CSGALNACT1: variants seen among roughly 807,000 people sequenced by gnomAD.
CSGALNACT1 encodes the protein beta4GalNAcT-1.
CSGALNACT1 carries 52 observed loss-of-function variants against 51.0 expected under a neutral mutation model. The ratio of observed to expected loss-of-function variants is 1.02; its 90% confidence interval spans 0.82 to 1.29. The LOEUF is 1.29. Among genes scored for constraint, CSGALNACT1 ranks in the 50% most tolerant of loss-of-function variants. CSGALNACT1 has a pLI of 0.00. For missense variants in CSGALNACT1, 935 were observed against 679.2 expected, an observed-to-expected ratio of 1.38 and a Z score of -4.19; for synonymous variants, 341 against 254.4, an observed-to-expected ratio of 1.34 and a Z score of -3.24.
chr8:19,530,116 G>T (rs2082448621), intron 3 of CSGALNACT1, among the ~76,000 whole-genome samples: 1 of 152,020 alleles, frequency 6.6e-6, no homozygotes, highest in Admixed American at 6.6e-5. Flanking sequence ...CAGCTACTCG[G>T]GGGCTGAGGC....
At chr8:19,594,821 G>C (rs1489050887) in intron 2 of CSGALNACT1, among the ~76,000 whole-genome samples, 1 of 151,928 alleles carries the variant, frequency 6.6e-6, no homozygotes, top group Non-Finnish European at 1.5e-5. Flanking sequence ...CACAGTGCAG[G>C]GATTATAGGC....
chr8:19,511,526 C>A (rs534185674), intron 3 of CSGALNACT1, among the ~76,000 whole-genome samples: 1 of 152,308 alleles, frequency 6.6e-6, no homozygotes, highest in South Asian at 2.1e-4. Flanking sequence ...ATAAAGTCAG[C>A]ACTGTAAACT....
chr8:19,595,007 C>T (rs1368577541), intron 2 of CSGALNACT1, among the ~76,000 whole-genome samples: 1 of 152,148 alleles, frequency 6.6e-6, no homozygotes, highest in African/African-American at 2.4e-5. Context: ...AAGTTTTTAT[C>T]GTATATGAGA....
chr8:19,617,406 C>T (rs1212654495), intron 1 of CSGALNACT1, among the ~76,000 whole-genome samples: 2 of 152,160 alleles, frequency 1.3e-5, no homozygotes, highest in Admixed American at 1.3e-4. Flanking sequence ...AATACCTAGT[C>T]TCAGGTATTC....
At position 19,757,077 on chromosome 8, in the gene CSGALNACT1, G is replaced by A. The variant is rs1236056673; in HGVS notation, c.-297+773C>T. 6.6e-6 allele frequency: 1 copy of A among 150,386 alleles called. No individual in the cohort carries two copies. Among genetic ancestry groups the A allele is most frequent in the Admixed American group, 6.6e-5 (1 of 15,106 alleles). The allele number at this position is 150,386 out of a possible 1,614,324, so 9.3% of individuals were successfully genotyped here. On this transcript the variant is annotated intron_variant, in intron 1 of 1. Coordinates refer to the CSGALNACT1 transcript ENST00000517494. The surrounding 1 kb of genome is among the most constrained non-coding windows in gnomAD (Gnocchi z 4.0). ...TGCACGAGCCACCCCGAGGTCGCGG[G>A]GTGGGCGGGCGCGAGCTAGGCGCGC...
At chr8:19,505,889 C>G (rs1379371353) in exon 4 of CSGALNACT1, 4 of 1,597,792 alleles carry the variant, frequency 2.5e-6, no homozygotes, top group East Asian at 2.2e-5. Context: ...CCGGGGCCCC[C>G]ACGGAAGGGC....
intron 1 of CSGALNACT1, among the ~76,000 whole-genome samples, chr8:19,652,713 A>T (rs1421857466): frequency 6.6e-6 from 1 of 152,136 alleles, no homozygotes; most frequent in East Asian, 1.9e-4. Flanking sequence ...CTGCTGTTCC[A>T]CTTAAAATCC....
chr8:19,488,516 A>G (rs972539069), intron 4 of CSGALNACT1, among the ~76,000 whole-genome samples: 7 of 151,606 alleles, frequency 4.6e-5, no homozygotes, highest in African/African-American at 1.7e-4. Flanking sequence ...AAATGATTCC[A>G]TAAAGGGAAA....
At position 19,427,041 on chromosome 8, in the gene CSGALNACT1, T is replaced by C. The variant is rs565306783; in HGVS notation, c.954-6523A>G. Among the ~76,000 whole-genome samples, 6 of 152,354 alleles carry C rather than the reference T, an allele frequency of 3.9e-5. No homozygotes were observed. In the South Asian group the frequency reaches 1.2e-3, roughly 32 times the overall value. ...GCTCTACTTCTTGAAGATATTGGAA[T>C]ACAGTGAAGAATTTAAAGCTGAACA... On this transcript the variant is annotated intron_variant, in intron 6 of 9. Transcript: ENST00000454498.
intron 6 of CSGALNACT1, among the ~76,000 whole-genome samples, chr8:19,428,445 G>A (rs1440527210): frequency 6.6e-6 from 1 of 152,126 alleles, no homozygotes; most frequent in Non-Finnish European, 1.5e-5. Flanking sequence ...GATCTCGTGA[G>A]ACTTATTCAC....
intron 1 of CSGALNACT1, among the ~76,000 whole-genome samples, chr8:19,649,343 A>G (rs2154182479): frequency 6.6e-6 from 1 of 152,278 alleles, no homozygotes; most frequent in African/African-American, 2.4e-5. Context: ...CTGCTTGGCT[A>G]AAAGATGGAA....
intron 5 of CSGALNACT1, among the ~76,000 whole-genome samples, chr8:19,452,089 G>A (rs890955400): frequency 6.6e-6 from 1 of 152,216 alleles, no homozygotes; most frequent in Admixed American, 6.5e-5. Context: ...CAATGAGGGA[G>A]ACATAATCTT....
At chr8:19,608,861 T>C (rs2051777370) in intron 1 of CSGALNACT1, among the ~76,000 whole-genome samples, 1 of 152,220 alleles carries the variant, frequency 6.6e-6, no homozygotes, top group East Asian at 1.9e-4. Flanking sequence ...ATTTTTATCT[T>C]CTTCCTTCCC....
intron 1 of CSGALNACT1, among the ~76,000 whole-genome samples, chr8:19,666,942 AAAAAGAAAGAAAGAAAGAAAG>A (rs2059316290): frequency 8.7e-6 from 1 of 115,278 alleles, no homozygotes; most frequent in African/African-American, 3.4e-5. Flanking sequence ...AGAGAGAGAG[AAAAAGAAAGAAAGAAAGAAAG>A]AAAGAAAGAA....
chr8:19,726,495 T>A lies in CSGALNACT1; in HGVS notation c.-297+31355A>T, dbSNP rs566379080. ...TTGTACACATTTACAGAGTACAACATGATGTTTTGATACATGAATATATTG... is the reference window on the plus strand; with the variant it reads ...TTGTACACATTTACAGAGTACAACAAGATGTTTTGATACATGAATATATTG... On this transcript the variant is annotated intron_variant, in intron 1 of 1. Coordinates refer to the CSGALNACT1 transcript ENST00000517494. 1.8e-3 allele frequency among the ~76,000 whole-genome samples: 274 copies of A among 152,344 alleles called. 9 individuals are homozygous for A. In the Middle Eastern group the frequency reaches 0.024, roughly 13 times the overall value.
intron 4 of CSGALNACT1, among the ~76,000 whole-genome samples, chr8:19,489,976 G>A (rs1419141734): frequency 2.0e-5 from 3 of 152,166 alleles, no homozygotes; most frequent in Non-Finnish European, 4.4e-5. Flanking sequence ...TCTGCTCCAA[G>A]CTCAGAAAAT....
chr8:19,481,540 T>C (rs1432830702), intron 4 of CSGALNACT1, among the ~76,000 whole-genome samples: 1 of 152,122 alleles, frequency 6.6e-6, no homozygotes, highest in Non-Finnish European at 1.5e-5. Context: ...AAACCTCCTC[T>C]TGAGCTCAAA....
intron 1 of CSGALNACT1, among the ~76,000 whole-genome samples, chr8:19,733,479 T>C (rs1431107350): frequency 1.3e-5 from 2 of 152,030 alleles, no homozygotes; most frequent in African/African-American, 2.4e-5. Context: ...ATCAACACCA[T>C]TGTCTCAAAC....
exon 10 of CSGALNACT1, chr8:19,405,072 G>A (rs1341280776): frequency 6.6e-6 from 3 of 453,412 alleles, no homozygotes; most frequent in African/African-American, 4.0e-5. Flanking sequence ...TAAAAATGTA[G>A]GCCAACTTGT....
Sources: gnomAD v4.1 joint callset for allele counts (sites outside exome capture counted in the v4.1 genomes callset) on GRCh38, gnomAD v4.1.1 for gene constraint, Gnocchi (gnomAD v3.1) non-coding constraint, MANE v1.5 for transcripts, NCBI Gene and HGNC (gene_info 2026-07-23, HGNC 2026-07-21) for gene names.